Variants in DGKI observed in about 807,000 individuals in gnomAD.
DGKI encodes the protein DAG kinase iota.
DGKI carries 55 observed loss-of-function variants against 147.5 expected under a neutral mutation model. That is an observed-to-expected ratio of 0.37 (90% CI 0.30 to 0.47). The LOEUF (loss-of-function observed/expected upper bound fraction) is 0.47. Ranked by LOEUF, DGKI falls within the 20% of genes least tolerant of loss-of-function variation. The pLI is 1.00. For missense variants in DGKI, 1,007 were observed against 1,323.8 expected (o/e 0.76, Z 3.71); for synonymous variants, 469 against 477.1 (o/e 0.98, Z 0.22).
chr7:137,751,702 GC>G (rs1285064167), intron 1 of DGKI, among the ~76,000 whole-genome samples: 1 of 152,172 alleles, frequency 6.6e-6, no homozygotes, highest in African/African-American at 2.4e-5. Context: ...AATATTTTAA[GC>G]TTTGTTGGCC....
chr7:137,597,299 G>A (rs902513392), intron 12 of DGKI, among the ~76,000 whole-genome samples: 1 of 152,046 alleles, frequency 6.6e-6, no homozygotes, highest in Non-Finnish European at 1.5e-5. Flanking sequence ...TCCAAACCTT[G>A]ACTTGATCAT....
At chr7:137,397,293 T>C (rs2241443) in intron 31 of DGKI, 84 bp downstream of exon 31, 438,315 of 1,294,510 alleles carry the variant, frequency 0.34, 77,310 homozygotes, top group Admixed American at 0.36. Flanking sequence ...AAATTACCTA[T>C]GATATGCTCT....
rs577769505 is a variant in DGKI, at chr7:137,390,709, G to A, written c.*511C>T. The A allele has an allele frequency of 6.4e-6, 1 of 156,702 alleles. No individual in the cohort carries two copies. Among genetic ancestry groups the A allele is most frequent in the Admixed American group, 6.1e-5 (1 of 16,494 alleles). 9.7% of individuals were successfully genotyped at this position (156,702 alleles called of 1,614,324 possible). On this transcript the variant is annotated 3_prime_UTR_variant, in exon 33 of 33. Coordinates refer to ENST00000614521, the MANE Select transcript of DGKI (RefSeq NM_001321708.2). ...TCTTAGAAATGGAAGTGGTTTTACAGTTATATTTCTGCAGGACATTCAGAA... is the reference window on the plus strand; with the variant it reads ...TCTTAGAAATGGAAGTGGTTTTACAATTATATTTCTGCAGGACATTCAGAA...
At chr7:137,675,283 G>A (rs1039656028) in intron 3 of DGKI, among the ~76,000 whole-genome samples, 2 of 152,092 alleles carry the variant, frequency 1.3e-5, no homozygotes, top group African/African-American at 2.4e-5. Flanking sequence ...CACCTTGTTC[G>A]CTTGCTGGGA....
At chr7:137,704,887 TA>T (rs1158374225) in intron 1 of DGKI, among the ~76,000 whole-genome samples, 2 of 152,008 alleles carry the variant, frequency 1.3e-5, no homozygotes, top group Non-Finnish European at 2.9e-5. Context: ...TGAAAGGAAA[TA>T]AAAACAGTAA....
At chr7:137,517,313 AAG>A (rs1364609770) in intron 21 of DGKI, among the ~76,000 whole-genome samples, 4 of 137,148 alleles carry the variant, frequency 2.9e-5, no homozygotes, top group South Asian at 2.6e-4. Flanking sequence ...GAAAGAAAGA[AAG>A]AAAGAAAGAA....
Position 137,722,068 on chromosome 7 carries a change from A to T in DGKI, c.402-32066T>A, listed in dbSNP as rs1275260669. Reference sequence around the variant, plus strand: ...GAAGGCTGATGCTGGTGGCAAGGTGAAAAAGGGTAACCTCAAGGCTAAAAA... The same window carrying T: ...GAAGGCTGATGCTGGTGGCAAGGTGTAAAAGGGTAACCTCAAGGCTAAAAA... On this transcript the variant is annotated intron_variant, in intron 1 of 32. Coordinates refer to ENST00000614521, the MANE Select transcript of DGKI (RefSeq NM_001321708.2). 3.1e-6 allele frequency: 5 copies of T among 1,596,754 alleles called. No homozygotes were observed. In the African/African-American group the frequency reaches 5.3e-5, roughly 17 times the overall value.
intron 28 of DGKI, among the ~76,000 whole-genome samples, chr7:137,417,334 G>T (rs933799196): frequency 1.3e-5 from 2 of 152,182 alleles, no homozygotes; most frequent in South Asian, 4.1e-4. Context: ...AGGGAACTGA[G>T]AAATTTTTCA....
intron 5 of DGKI, among the ~76,000 whole-genome samples, chr7:137,654,268 A>G (rs1822140019): frequency 6.6e-6 from 1 of 152,180 alleles, no homozygotes. Flanking sequence ...ACACACATCA[A>G]GGCTGGTTTT....
chr7:137,408,531 C>T (rs543442197), intron 29 of DGKI, among the ~76,000 whole-genome samples: 38 of 152,276 alleles, frequency 2.5e-4, no homozygotes, highest in African/African-American at 6.5e-4. Flanking sequence ...CACATACACA[C>T]GCATGCATGC....
At chr7:137,769,212 C>A (rs1796108763) in intron 1 of DGKI, among the ~76,000 whole-genome samples, 1 of 152,090 alleles carries the variant, frequency 6.6e-6, no homozygotes. Flanking sequence ...CGTGTTAGAC[C>A]CGGTAGATGA....
At chr7:137,565,783 T>A (rs1233003112) in intron 19 of DGKI, among the ~76,000 whole-genome samples, 2 of 152,268 alleles carry the variant, frequency 1.3e-5, no homozygotes, top group East Asian at 3.9e-4. Context: ...CAAATTACAA[T>A]GTCTGATTAT....
intron 1 of DGKI, among the ~76,000 whole-genome samples, chr7:137,826,738 G>A (rs1032003690): frequency 6.6e-6 from 1 of 152,100 alleles, no homozygotes; most frequent in Admixed American, 6.5e-5. Context: ...GGGGGCAGGC[G>A]AGTTTATCCA....
intron 1 of DGKI, among the ~76,000 whole-genome samples, chr7:137,697,875 A>C (rs994368015): frequency 6.6e-6 from 1 of 151,946 alleles, no homozygotes; most frequent in Admixed American, 6.6e-5. Context: ...CTCACTACTC[A>C]TGGTTCAAAC....
chr7:137,573,658 G>A (rs1818868858), intron 17 of DGKI, among the ~76,000 whole-genome samples: 1 of 152,204 alleles, frequency 6.6e-6, no homozygotes, highest in Non-Finnish European at 1.5e-5. Flanking sequence ...ACCCGCCTTG[G>A]CCTCACAAAG....
intron 6 of DGKI, among the ~76,000 whole-genome samples, chr7:137,642,929 A>AGTGTGTGTGTGTGTGT (rs1207086851): frequency 2.6e-4 from 31 of 121,210 alleles, no homozygotes; most frequent in East Asian, 7.4e-4. Context: ...ATTATGGAAT[A>AGTGTGTGTGTGTGTGT]GTGTGTGTGT....
chr7:137,769,753 C>A (rs559225996), intron 1 of DGKI, among the ~76,000 whole-genome samples: 1 of 152,272 alleles, frequency 6.6e-6, no homozygotes, highest in East Asian at 1.9e-4. Context: ...TAGAGAAATG[C>A]AAATCAAAAC....
chr7:137,676,554 T>C (rs562342204), intron 3 of DGKI, among the ~76,000 whole-genome samples: 13 of 152,342 alleles, frequency 8.5e-5, no homozygotes, highest in Non-Finnish European at 1.8e-4. Flanking sequence ...GCTTCCTCAC[T>C]GATTTATTCC....
At chr7:137,541,136 G>C (rs979883941) in intron 20 of DGKI, among the ~76,000 whole-genome samples, 3 of 152,190 alleles carry the variant, frequency 2.0e-5, no homozygotes, top group Non-Finnish European at 2.9e-5. Flanking sequence ...GATTTTAAGA[G>C]TTACTATAAA....
Sources: gnomAD v4.1 joint callset for allele counts (sites outside exome capture counted in the v4.1 genomes callset) on GRCh38, gnomAD v4.1.1 for gene constraint, MANE v1.5 for transcripts, NCBI Gene and HGNC (gene_info 2026-07-23, HGNC 2026-07-21) for gene names.